The following RAD54B variants were observed in gnomAD, a reference collection of about 807,000 sequenced individuals.
RAD54B encodes the protein RAD54 homolog B, also known as DNA repair and recombination protein RAD54B.
In RAD54B, 78 loss-of-function variants were observed where a neutral mutation model predicts 95.8. The ratio of observed to expected loss-of-function variants is 0.81; its 90% CI spans 0.68 to 0.98. The LOEUF (loss-of-function observed/expected upper bound fraction) is 0.98, where lower values mean the gene tolerates loss of function less well. RAD54B is among the 50% of genes least tolerant of loss of function. The pLI is 0.00. For synonymous variants in RAD54B, 328 were observed against 354.9 expected (o/e 0.92, Z 0.85); for missense variants, 957 against 1,056.6 (o/e 0.91, Z 1.31).
chr8:94,421,134 G>A (rs1811798954), intron 3 of RAD54B, among the ~76,000 whole-genome samples: 1 of 152,048 alleles, frequency 6.6e-6, no homozygotes, highest in Non-Finnish European at 1.5e-5. Context: ...ATGGCTTCCA[G>A]TAGTCATTCC....
At chr8:94,409,067 T>A (rs1811466030) in intron 4 of RAD54B, among the ~76,000 whole-genome samples, 1 of 152,108 alleles carries the variant, frequency 6.6e-6, no homozygotes, top group South Asian at 2.1e-4. Context: ...CACAAGCTAT[T>A]AGCAATTTTA....
chr8:94,471,584 G>GAT (rs1355671173), intron 1 of RAD54B, among the ~76,000 whole-genome samples: 6 of 151,846 alleles, frequency 4.0e-5, no homozygotes, highest in African/African-American at 1.2e-4. Context: ...CTATAAAGTA[G>GAT]ATATAATATA....
At chr8:94,399,990 A>T (rs1811231405) in intron 7 of RAD54B, among the ~76,000 whole-genome samples, 1 of 151,114 alleles carries the variant, frequency 6.6e-6, no homozygotes, top group African/African-American at 2.4e-5. Context: ...CTCTACCCTC[A>T]CGACCTCATT....
At chr8:94,432,157 C>A (rs1563654866) in intron 3 of RAD54B, 1 of 1,549,846 alleles carries the variant, frequency 6.5e-7, no homozygotes, top group African/African-American at 1.4e-5. Flanking sequence ...TCAGGTAGAT[C>A]ATGCCGTAAG....
intron 1 of RAD54B, among the ~76,000 whole-genome samples, chr8:94,474,128 A>ATTTG (rs1246045698): frequency 6.6e-6 from 1 of 152,216 alleles, no homozygotes; most frequent in Non-Finnish European, 1.5e-5. Context: ...AAAATCAAAT[A>ATTTG]TTGCATGTTC....
intron 12 of RAD54B, 147 bp downstream of exon 12, chr8:94,379,998 G>T: frequency 2.4e-6 from 2 of 829,718 alleles, no homozygotes; most frequent in Non-Finnish European, 3.6e-6. Context: ...GGATTAAACA[G>T]ATGGAAAGCA....
At chr8:94,393,966 G>A (rs561053090) in intron 8 of RAD54B, 84 bp from the exon 9 acceptor site, 24 of 1,250,862 alleles carry the variant, frequency 1.9e-5, no homozygotes, top group Non-Finnish European at 2.5e-5. Context: ...CACAATGGAA[G>A]TTTGGAGAAA....
intron 3 of RAD54B, among the ~76,000 whole-genome samples, chr8:94,418,209 G>A (rs1462044976): frequency 6.6e-6 from 1 of 151,872 alleles, no homozygotes; most frequent in Non-Finnish European, 1.5e-5. Flanking sequence ...CCTTATTACT[G>A]GACTTTTTTT....
At chr8:94,470,672 C>T (rs1295909297) in intron 1 of RAD54B, among the ~76,000 whole-genome samples, 2 of 151,932 alleles carry the variant, frequency 1.3e-5, no homozygotes, top group Non-Finnish European at 2.9e-5. Flanking sequence ...GCATGAGAAT[C>T]GCTTGAACCC....
intron 3 of RAD54B, chr8:94,429,767 T>C: frequency 1.0e-6 from 1 of 985,016 alleles, no homozygotes; most frequent in Non-Finnish European, 1.2e-6. Context: ...ATTAAAGAAG[T>C]TAACTCTACC....
chr8:94,444,945 T>C lies in RAD54B; in HGVS notation c.304+13323A>G, dbSNP rs1201154696. Among the ~76,000 whole-genome samples, 5 of 152,160 alleles carry C rather than the reference T, an allele frequency of 3.3e-5. No individual in the cohort carries two copies. In the East Asian group the frequency reaches 7.7e-4, roughly 23 times the overall value. Reference sequence around the variant, plus strand: ...TCCCAGTCTCTGTGGAAGGACAGAATCCTAATTTTGATAACTGTCAGCGAG... The same window carrying C: ...TCCCAGTCTCTGTGGAAGGACAGAACCCTAATTTTGATAACTGTCAGCGAG... On this transcript the variant is annotated intron_variant, in intron 3 of 14. Transcript: ENST00000336148.
chr8:94,417,505 G>GT (rs1374114204), intron 3 of RAD54B, among the ~76,000 whole-genome samples: 1 of 150,110 alleles, frequency 6.7e-6, no homozygotes, highest in African/African-American at 2.5e-5. Context: ...ACTGACCACA[G>GT]TAAGTGCTAA....
At chr8:94,458,492 TCTG>T in intron 2 of RAD54B, 56 bp from the exon 3 acceptor site, 2 of 1,346,410 alleles carry the variant, frequency 1.5e-6, no homozygotes, top group South Asian at 1.6e-5. Flanking sequence ...TTCTGTATTT[TCTG>T]TATTTTTACA....
chr8:94,457,285 A>G (rs1812799672), intron 3 of RAD54B, among the ~76,000 whole-genome samples: 1 of 152,190 alleles, frequency 6.6e-6, no homozygotes, highest in South Asian at 2.1e-4. Context: ...AGTAAGATAG[A>G]GCAGAGCTAA....
chr8:94,437,877 A>G (rs926144864), intron 3 of RAD54B, among the ~76,000 whole-genome samples: 1 of 152,236 alleles, frequency 6.6e-6, no homozygotes, highest in African/African-American at 2.4e-5. Flanking sequence ...TGTTAACCCC[A>G]GTATGAAAAT....
intron 1 of RAD54B, 97 bp from the exon 2 acceptor site, chr8:94,467,652 A>C: frequency 1.6e-6 from 2 of 1,226,404 alleles, no homozygotes; most frequent in Non-Finnish European, 2.2e-6. Flanking sequence ...ATGGAACAGA[A>C]ACCCCTCTTA....
chr8:94,428,671 A>G (rs764592937), intron 3 of RAD54B: 20 of 821,908 alleles, frequency 2.4e-5, no homozygotes, highest in Non-Finnish European at 2.6e-5. Context: ...TTCTGCCTGA[A>G]TATTTTCAAT....
chr8:94,473,316 A>G (rs1313648782), intron 1 of RAD54B, among the ~76,000 whole-genome samples: 1 of 152,210 alleles, frequency 6.6e-6, no homozygotes, highest in African/African-American at 2.4e-5. Flanking sequence ...TACACCAGAT[A>G]GCCACAAGTA....
At chr8:94,432,736 T>C in intron 3 of RAD54B, 2 of 1,371,180 alleles carry the variant, frequency 1.5e-6, no homozygotes, top group South Asian at 2.0e-5. Context: ...TTTAATTTAA[T>C]GTACATTAAA....
Sources: gnomAD v4.1 joint callset for allele counts (sites outside exome capture counted in the v4.1 genomes callset) on GRCh38, gnomAD v4.1.1 for gene constraint, MANE v1.5 for transcripts, NCBI Gene and HGNC (gene_info 2026-07-23, HGNC 2026-07-21) for gene names.